The following NRCAM variants were observed in gnomAD, a reference collection of about 807,000 sequenced individuals.
The protein encoded by NRCAM is NgCAM-related cell adhesion molecule.
In NRCAM, 83 loss-of-function variants were observed where a neutral mutation model predicts 156.5. The observed-to-expected ratio is 0.53, with a 90% CI of 0.44 to 0.64. NRCAM has a LOEUF of 0.64. Ranked by LOEUF, NRCAM falls within the 30% of genes least tolerant of loss-of-function variation. The probability of loss-of-function intolerance (pLI) is 0.00; values close to 1 mark genes in which losing one functional copy is unlikely to be tolerated. For synonymous variants in NRCAM, 538 were observed against 563.9 expected (o/e 0.95, Z 0.65); for missense variants, 1,417 against 1,597.3 (o/e 0.89, Z 1.92).
intron 1 of NRCAM, among the ~76,000 whole-genome samples, chr7:108,427,109 G>A (rs1818309786): frequency 6.6e-6 from 1 of 152,078 alleles, no homozygotes; most frequent in Admixed American, 6.5e-5. Context: ...CCACTCTCTA[G>A]GCTCCTCACT....
intron 1 of NRCAM, among the ~76,000 whole-genome samples, chr7:108,401,058 G>C (rs766660165): frequency 8.6e-5 from 13 of 151,922 alleles, no homozygotes; most frequent in African/African-American, 1.9e-4. Context: ...TCAGGAATTC[G>C]AGACAAGCCT....
intron 3 of NRCAM, among the ~76,000 whole-genome samples, chr7:108,300,167 T>TC (rs1327846881): frequency 2.2e-5 from 3 of 135,070 alleles, no homozygotes; most frequent in Non-Finnish European, 3.1e-5. Context: ...TGACTTTTTT[T>TC]TTTTTTTTTT....
intron 2 of NRCAM, among the ~76,000 whole-genome samples, chr7:108,317,820 A>C (rs2098946443): frequency 6.6e-6 from 1 of 151,304 alleles, no homozygotes; most frequent in African/African-American, 2.4e-5. Context: ...GAGGCAGGAG[A>C]ATCACTTGAA....
intron 2 of NRCAM, among the ~76,000 whole-genome samples, chr7:108,351,949 A>T (rs980574934): frequency 1.3e-5 from 2 of 152,136 alleles, no homozygotes; most frequent in Admixed American, 6.5e-5. Flanking sequence ...GAATGCAGAG[A>T]CATCTGTGCT....
intron 14 of NRCAM, among the ~76,000 whole-genome samples, chr7:108,196,980 T>C (rs1400348101): frequency 6.6e-6 from 1 of 152,134 alleles, no homozygotes; most frequent in Non-Finnish European, 1.5e-5. Context: ...AAAGAAACTG[T>C]GGCATATACA....
At chr7:108,204,905 A>G (rs2080273865) in intron 13 of NRCAM, among the ~76,000 whole-genome samples, 1 of 152,136 alleles carries the variant, frequency 6.6e-6, no homozygotes, top group Non-Finnish European at 1.5e-5. Flanking sequence ...ACTACTCTGT[A>G]CCCCCAAAGC....
chr7:108,297,157 C>T (rs757722250), intron 3 of NRCAM, among the ~76,000 whole-genome samples: 1 of 152,166 alleles, frequency 6.6e-6, no homozygotes, highest in Non-Finnish European at 1.5e-5. Flanking sequence ...CTTGCTTCTC[C>T]AACTACTGGT....
rs542804744 is a variant in NRCAM at position 108,213,947 on chromosome 7, G to A, written c.891-4342C>T. Among the ~76,000 whole-genome samples, 136 of 152,232 alleles carry A rather than the reference G, an allele frequency of 8.9e-4. 1 individual carries two copies. The highest frequency in any genetic ancestry group is 3.1e-3 in the African/African-American group (129 of 41,546). On this transcript the variant is annotated intron_variant, in intron 11 of 32. Transcript: ENST00000379028. ...AGCCTTGCATCCCAGGGATGAAGCC[G>A]AATTGATTGTGGTGGATAAGCTTTT...
intron 2 of NRCAM, among the ~76,000 whole-genome samples, chr7:108,379,946 A>G (rs1485101007): frequency 6.6e-6 from 1 of 152,200 alleles, no homozygotes; most frequent in African/African-American, 2.4e-5. Flanking sequence ...CAAAAAAGTA[A>G]TGGCTGAGAT....
At chr7:108,252,415 TA>T (rs2096403680) in intron 3 of NRCAM, among the ~76,000 whole-genome samples, 1 of 152,214 alleles carries the variant, frequency 6.6e-6, no homozygotes, top group Non-Finnish European at 1.5e-5. Context: ...CTTGCTAGAG[TA>T]TAAAACACTA....
chr7:108,249,294 A>G (rs1483454310), intron 3 of NRCAM, among the ~76,000 whole-genome samples: 4 of 152,226 alleles, frequency 2.6e-5, no homozygotes, highest in South Asian at 4.1e-4. Flanking sequence ...TCCACTTGCT[A>G]TCAGTGCAGG....
At chr7:108,278,726 A>G (rs12667151) in intron 3 of NRCAM, among the ~76,000 whole-genome samples, 6,494 of 152,260 alleles carry the variant, frequency 0.043, 181 homozygotes, top group South Asian at 0.11. Flanking sequence ...GTGAGGCGAC[A>G]CCCCACCCTG....
chr7:108,387,461 A>C (rs990596870), intron 2 of NRCAM, among the ~76,000 whole-genome samples: 1 of 152,128 alleles, frequency 6.6e-6, no homozygotes, highest in African/African-American at 2.4e-5. Context: ...GATGCAATGA[A>C]CGTTTCCTAT....
At chr7:108,350,334 T>A (rs1180763274) in intron 2 of NRCAM, among the ~76,000 whole-genome samples, 1 of 152,212 alleles carries the variant, frequency 6.6e-6, no homozygotes, top group Non-Finnish European at 1.5e-5. Flanking sequence ...GGAACAGTGA[T>A]GGCTTCCTTC....
At chr7:108,326,698 A>G (rs1193957720) in intron 2 of NRCAM, among the ~76,000 whole-genome samples, 2 of 152,190 alleles carry the variant, frequency 1.3e-5, no homozygotes, top group Admixed American at 6.5e-5. Flanking sequence ...GTAAGTAAAC[A>G]TGAGACCTAG....
At chr7:108,167,173 G>C (rs1383262416) in intron 29 of NRCAM, 100 bp from the exon 30 acceptor site, 4 of 799,970 alleles carry the variant, frequency 5.0e-6, no homozygotes, top group Non-Finnish European at 7.9e-6. Context: ...CTAAAGACAA[G>C]ATGTAGGATG....
intron 2 of NRCAM, among the ~76,000 whole-genome samples, chr7:108,394,127 T>C (rs2099770204): frequency 1.3e-5 from 2 of 152,172 alleles, no homozygotes; most frequent in Admixed American, 6.5e-5. Context: ...TGAATGCACA[T>C]GGGCCTGGGG....
At chr7:108,256,703 C>G (rs1011545787) in intron 3 of NRCAM, among the ~76,000 whole-genome samples, 17 of 152,142 alleles carry the variant, frequency 1.1e-4, no homozygotes, top group African/African-American at 4.1e-4. Context: ...TATGATTCTA[C>G]TTATATGAAA....
intron 3 of NRCAM, among the ~76,000 whole-genome samples, chr7:108,300,160 C>CTTTTTTTTTTTTTTTTTTTTTTTTTTTTT (rs10665036): frequency 1.5e-5 from 1 of 65,858 alleles, no homozygotes; most frequent in African/African-American, 5.7e-5. Flanking sequence ...TTTCTGTTGA[C>CTTTTTTTTTTTTTTTTTTTTTTTTTTTTT]TTTTTTTTTT....
Sources: allele counts gnomAD v4.1 joint callset (sites outside exome capture counted in the v4.1 genomes callset), GRCh38; gene constraint gnomAD v4.1.1; transcripts MANE v1.5; gene names NCBI Gene and HGNC (gene_info 2026-07-23, HGNC 2026-07-21).